PABPC1L: variants seen among roughly 807,000 people sequenced by gnomAD.
PABPC1L encodes polyadenylate-binding protein 1-like.
PABPC1L carries 31 observed loss-of-function variants against 66.6 expected under a neutral mutation model. That is an observed-to-expected ratio of 0.47 (90% CI 0.35 to 0.63). The LOEUF (loss-of-function observed/expected upper bound fraction) is 0.63, where lower values mean the gene tolerates loss of function less well. PABPC1L is among the 20% of genes least tolerant of loss of function. The pLI, the probability that PABPC1L is intolerant of heterozygous loss-of-function variation, is 0.00. For missense variants in PABPC1L, 722 were observed against 848.8 expected, an observed-to-expected ratio of 0.85 and a Z score of 1.86; for synonymous variants, 348 against 335.1, an observed-to-expected ratio of 1.04 and a Z score of -0.42.
chr20:44,924,319 C>G lies in PABPC1L; in HGVS notation c.972+63C>G, dbSNP rs1327965812. 6.2e-6 allele frequency: 8 copies of G among 1,291,844 alleles called. No homozygotes were observed. The Admixed American group carries it at 1.0e-4, about 17-fold the overall frequency. 80.0% of individuals were successfully genotyped at this position (1,291,844 alleles called of 1,614,324 possible). ...CTCCATCCTCTCACCACCATCCCCC[C>G]ACAACCCCACCCCTCCACCCTCTCG... On this transcript the variant is annotated intron_variant, in intron 7 of 14. Transcript: ENST00000217073.
intron 7 of PABPC1L, 135 bp from the exon 8 acceptor site, chr20:44,930,325 C>A: frequency 8.1e-7 from 1 of 1,233,238 alleles, no homozygotes; most frequent in Non-Finnish European, 1.1e-6. Context: ...CAGGGGTGCA[C>A]GCTACATCCC....
intron 7 of PABPC1L, among the ~76,000 whole-genome samples, chr20:44,927,050 A>T (rs2066814589): frequency 6.6e-6 from 1 of 151,174 alleles, no homozygotes; most frequent in Non-Finnish European, 1.5e-5. Context: ...TGATTTAAAA[A>T]AAAATTTTTT....
chr20:44,921,540 G>A (rs2066773040), intron 5 of PABPC1L, 54 bp from the exon 6 acceptor site: 2 of 1,598,352 alleles, frequency 1.3e-6, no homozygotes, highest in Admixed American at 1.8e-5. Flanking sequence ...GATGAGCCTG[G>A]GCCAGGGCCA....
At position 44,937,067 on chromosome 20, in the gene PABPC1L, G is replaced by T. The variant is rs999070381; in HGVS notation, c.1660+337G>T. On this transcript the variant is annotated intron_variant, in intron 12 of 14. Transcript: ENST00000217073. Reference sequence around the variant, plus strand: ...GTTTCTGCTGAGAAATGGCTTGTAGGTGGGGGGTTAAAGTTCCTCACACCT... The same window carrying T: ...GTTTCTGCTGAGAAATGGCTTGTAGTTGGGGGGTTAAAGTTCCTCACACCT... 16 of 482,050 alleles carry T rather than the reference G, an allele frequency of 3.3e-5. 1 individual carries two copies. The highest frequency in any genetic ancestry group is 1.8e-4 in the East Asian group (3 of 16,350). 29.9% of individuals were successfully genotyped at this position (482,050 alleles called of 1,614,324 possible). A position where few individuals can be genotyped will look rare whatever the true frequency, so the allele number is the denominator to read the frequency against.
At chr20:44,911,127 G>T (rs2066701446) in intron 1 of PABPC1L, among the ~76,000 whole-genome samples, 1 of 148,280 alleles carries the variant, frequency 6.7e-6, no homozygotes, top group African/African-American at 2.5e-5. Context: ...GCTCTTAAGT[G>T]GTAACCTAAA....
At chr20:44,930,431 C>G (rs1333130788) in intron 7 of PABPC1L, 29 bp from the exon 8 acceptor site, 4 of 1,594,994 alleles carry the variant, frequency 2.5e-6, no homozygotes, top group Admixed American at 1.7e-5. Flanking sequence ...TTCCCCACCC[C>G]AGCAGCTCTT....
intron 6 of PABPC1L, among the ~76,000 whole-genome samples, chr20:44,922,332 A>G (rs965084553): frequency 1.1e-4 from 16 of 151,924 alleles, no homozygotes; most frequent in Non-Finnish European, 2.1e-4. Context: ...GCAACCTCTC[A>G]CTCCTGGGTT....
intron 13 of PABPC1L, 24 bp from the exon 14 acceptor site, chr20:44,938,648 GCC>G: frequency 1.3e-6 from 2 of 1,583,420 alleles, no homozygotes. Context: ...GCTGCACTAA[GCC>G]CCCCCGCCAC....
chr20:44,932,531 C>G, intron 9 of PABPC1L, 99 bp downstream of exon 9: 1 of 1,083,328 alleles, frequency 9.2e-7, no homozygotes, highest in Non-Finnish European at 1.3e-6. Context: ...TGCCACTTCC[C>G]AAGGTGGGTG....
At chr20:44,937,784 T>G in intron 12 of PABPC1L, 1 of 401,128 alleles carries the variant, frequency 2.5e-6, no homozygotes, top group Non-Finnish European at 4.5e-6. Flanking sequence ...TGTAAACATT[T>G]TCACTTTCTT....
intron 2 of PABPC1L, among the ~76,000 whole-genome samples, chr20:44,915,361 G>A (rs2066731121): frequency 6.6e-6 from 1 of 152,216 alleles, no homozygotes; most frequent in South Asian, 2.1e-4. Flanking sequence ...TCACCTTGAA[G>A]TGGGGGGTTA....
intron 10 of PABPC1L, among the ~76,000 whole-genome samples, chr20:44,934,458 C>T (rs1484146902): frequency 6.6e-6 from 1 of 152,252 alleles, no homozygotes; most frequent in Non-Finnish European, 1.5e-5. Flanking sequence ...AGCCGAAATT[C>T]TGTACCCATC....
chr20:44,935,997 C>CT (rs1330939749), intron 11 of PABPC1L, among the ~76,000 whole-genome samples: 1 of 150,928 alleles, frequency 6.6e-6, no homozygotes, highest in Non-Finnish European at 1.5e-5. Flanking sequence ...TGGACAGGGT[C>CT]TTTTTTTTGA....
Position 44,924,247 on chromosome 20 carries a change from C to T in PABPC1L, c.963C>T (p.Thr321=). Residue 321 remains threonine (T), a synonymous_variant, in exon 7 of 15, where the codon ACC becomes ACT. Coordinates refer to ENST00000217073, the MANE Select transcript of PABPC1L (RefSeq NM_001372179.1). ...AGTTCTCTCCCTATGGAGTAATTAC[C>T]AGTGCGAAGGTGAGGACTGGGGGCA... is the stretch of plus-strand genomic sequence containing the variant. ...RKEFSPYGVI[T]SAKVMTEGGH... The T allele has an allele frequency of 6.2e-7, 1 of 1,613,134 alleles. No homozygotes were observed.
At chr20:44,936,517 C>T in intron 11 of PABPC1L, 120 bp from the exon 12 acceptor site, 1 of 761,646 alleles carries the variant, frequency 1.3e-6, no homozygotes, top group African/African-American at 1.8e-5. Flanking sequence ...ATCATCCAGA[C>T]CTTGCCCTCT....
At chr20:44,915,949 ATG>A (rs2066735098) in intron 2 of PABPC1L, among the ~76,000 whole-genome samples, 1 of 152,160 alleles carries the variant, frequency 6.6e-6, no homozygotes, top group Non-Finnish European at 1.5e-5. Context: ...AATACATTTT[ATG>A]TGTCTTTTTC....
chr20:44,919,019 G>C lies in PABPC1L; in HGVS notation c.617G>C (p.Gly206Ala). 6.2e-7 allele frequency: 1 copy of C among 1,613,186 alleles called. No homozygotes were observed. Among genetic ancestry groups the C allele is most frequent in the Non-Finnish European group, 8.5e-7 (1 of 1,179,516 alleles). Residue 206 changes from glycine (G) to alanine (A), a missense_variant, in exon 4 of 15, where the codon GGC becomes GCC. Physicochemically the swap from Gly to Ala is moderately conservative, Grantham distance 60. Transcript: ENST00000217073. ...CTCCCGGTGGATGTGGACGAGCAAG[G>C]CCTGCAGGACCTCTTCTCCCAGTTT... ...KNLPVDVDEQ[G>A]LQDLFSQFGK... is the part of the protein sequence containing the mutation.
At position 44,910,168 on chromosome 20, in the gene PABPC1L, C is replaced by T; in HGVS notation, c.25C>T (p.Pro9Ser). The change falls in exon 1 of 15, where the codon CCG (proline) becomes TCG (serine). Residue 9 changes from proline (P) to serine (S), a missense_variant. Around this residue, in one of 3 missense-constraint regions of PABPC1L, gnomAD observed 284 missense variants for 294.8 expected, o/e 0.96. Transcript: ENST00000217073. MNASGSGY[P>S]LASLYVGDLH... Reference sequence around the variant, plus strand: ...CATGAACGCCAGCGGTTCTGGCTACCCGCTTGCCTCGCTTTACGTGGGCGA... The same window carrying T: ...CATGAACGCCAGCGGTTCTGGCTACTCGCTTGCCTCGCTTTACGTGGGCGA... 1 of 1,574,552 alleles carries T rather than the reference C, an allele frequency of 6.4e-7. No homozygotes were observed. Among genetic ancestry groups the T allele is most frequent in the Non-Finnish European group, 8.6e-7 (1 of 1,160,564 alleles).
At chr20:44,915,254 G>A (rs2066730523) in intron 2 of PABPC1L, among the ~76,000 whole-genome samples, 1 of 152,214 alleles carries the variant, frequency 6.6e-6, no homozygotes, top group African/African-American at 2.4e-5. Flanking sequence ...CACAGTGGTA[G>A]TGTGCAAGCT....
Sources: allele counts gnomAD v4.1 joint callset (sites outside exome capture counted in the v4.1 genomes callset), GRCh38; gene constraint gnomAD v4.1.1; regional missense constraint gnomAD v4.1.1; transcripts MANE v1.5; gene names NCBI Gene and HGNC (gene_info 2026-07-23, HGNC 2026-07-21).